The following ZCCHC7 variants were observed in gnomAD, a reference collection of about 807,000 sequenced individuals.
ZCCHC7 encodes the protein zinc finger CCHC domain-containing protein 7.
In ZCCHC7, 35 loss-of-function variants were observed where a neutral mutation model predicts 52.0. The observed-to-expected ratio is 0.67, with a 90% CI of 0.51 to 0.89. The LOEUF (loss-of-function observed/expected upper bound fraction) is 0.89. Ranked by LOEUF, ZCCHC7 falls within the 40% of genes least tolerant of loss-of-function variation. The pLI, the probability that ZCCHC7 is intolerant of heterozygous loss-of-function variation, is 0.00. For synonymous variants in ZCCHC7, 217 were observed against 221.5 expected (o/e 0.98, Z 0.18); for missense variants, 574 against 649.1 (o/e 0.88, Z 1.26).
chr9:37,163,613 A>G (rs762478039), intron 2 of ZCCHC7, among the ~76,000 whole-genome samples: 5 of 152,140 alleles, frequency 3.3e-5, no homozygotes, highest in Non-Finnish European at 5.9e-5. Context: ...TTTATTTGCA[A>G]ACTGTCCAGT....
intron 6 of ZCCHC7, among the ~76,000 whole-genome samples, chr9:37,344,888 T>C (rs528707109): frequency 6.6e-6 from 1 of 152,326 alleles, no homozygotes; most frequent in South Asian, 2.1e-4. Context: ...AATGCATGCA[T>C]ACACTCATGC....
At chr9:37,356,319 G>A (rs977838379) in intron 8 of ZCCHC7, among the ~76,000 whole-genome samples, 4 of 152,156 alleles carry the variant, frequency 2.6e-5, no homozygotes, top group East Asian at 1.9e-4. Context: ...CCGCACTCAC[G>A]TGCACTCACA....
At chr9:37,218,072 G>A (rs115235052) in intron 2 of ZCCHC7, among the ~76,000 whole-genome samples, 94 of 152,162 alleles carry the variant, frequency 6.2e-4, no homozygotes, top group African/African-American at 2.2e-3. Flanking sequence ...ATGAAAAATC[G>A]TATGGAAAAG....
chr9:37,204,358 G>A (rs945383008), intron 2 of ZCCHC7, among the ~76,000 whole-genome samples: 1 of 152,078 alleles, frequency 6.6e-6, no homozygotes, highest in African/African-American at 2.4e-5. Flanking sequence ...TGCTTTTGGC[G>A]ATTTCATCAT....
At chr9:37,276,326 A>G (rs1463812021) in intron 2 of ZCCHC7, among the ~76,000 whole-genome samples, 3 of 152,034 alleles carry the variant, frequency 2.0e-5, no homozygotes, top group South Asian at 4.1e-4. Context: ...CACTCTCTTA[A>G]TGGTGTTTTT....
intron 2 of ZCCHC7, among the ~76,000 whole-genome samples, chr9:37,164,497 A>G (rs1821304897): frequency 6.8e-6 from 1 of 147,320 alleles, no homozygotes; most frequent in African/African-American, 2.5e-5. Context: ...AGATAGATAG[A>G]TAGACAGACA....
intron 2 of ZCCHC7, chr9:37,284,062 T>C (rs915497433): frequency 3.3e-5 from 5 of 152,136 alleles, no homozygotes; most frequent in Non-Finnish European, 7.4e-5. Flanking sequence ...ATCCCATTGA[T>C]GGGCCAAGAG....
At chr9:37,296,885 G>GTA (rs1828810602) in intron 2 of ZCCHC7, among the ~76,000 whole-genome samples, 1 of 92,786 alleles carries the variant, frequency 1.1e-5, no homozygotes, top group African/African-American at 4.4e-5. Flanking sequence ...GCTAGTTTGT[G>GTA]TGTGTGTGTG....
intron 2 of ZCCHC7, among the ~76,000 whole-genome samples, chr9:37,135,431 A>G (rs1185486157): frequency 6.6e-6 from 1 of 152,214 alleles, no homozygotes; most frequent in African/African-American, 2.4e-5. Flanking sequence ...AGGTTTTAAA[A>G]AGAAAAATGC....
Position 37,218,752 on chromosome 9 carries a change from T to A in ZCCHC7, c.611-83436T>A, listed in dbSNP as rs150153432. On this transcript the variant is annotated intron_variant, in intron 2 of 8. Transcript: ENST00000336755. ...TGAACCTGGGAGATAGAGGTTGCAG[T>A]GAGCCGAGATTGCGCCACTGCACTC... is the stretch of plus-strand genomic sequence containing the variant. 5.7e-3 allele frequency among the ~76,000 whole-genome samples: 869 copies of A among 152,246 alleles called. 4 individuals are homozygous for A. Among genetic ancestry groups the A allele is most frequent in the Middle Eastern group, 0.017 (5 of 294 alleles).
At chr9:37,170,189 C>CT (rs1564155325) in intron 2 of ZCCHC7, among the ~76,000 whole-genome samples, 1 of 152,086 alleles carries the variant, frequency 6.6e-6, no homozygotes, top group Non-Finnish European at 1.5e-5. Flanking sequence ...GAATCTTTCT[C>CT]AAATACAACC....
chr9:37,172,519 T>C (rs140817625), intron 2 of ZCCHC7, among the ~76,000 whole-genome samples: 1,633 of 152,368 alleles, frequency 0.011, 23 homozygotes, highest in Non-Finnish European at 0.019. Context: ...GCATTTCTTC[T>C]TAAAAATTTG....
chr9:37,261,349 C>A (rs1053061292), intron 2 of ZCCHC7, among the ~76,000 whole-genome samples: 1 of 152,170 alleles, frequency 6.6e-6, no homozygotes, highest in Non-Finnish European at 1.5e-5. Context: ...AACACACAGA[C>A]CCCAGATTGC....
At chr9:37,337,107 G>A (rs1588690264) in intron 6 of ZCCHC7, among the ~76,000 whole-genome samples, 1 of 152,216 alleles carries the variant, frequency 6.6e-6, no homozygotes, top group East Asian at 1.9e-4. Context: ...CCGATAAGCG[G>A]ATCTATTTCT....
chr9:37,192,026 C>T (rs1477168226), intron 2 of ZCCHC7, among the ~76,000 whole-genome samples: 1 of 152,150 alleles, frequency 6.6e-6, no homozygotes, highest in African/African-American at 2.4e-5. Flanking sequence ...ACTAATGTTG[C>T]AATGATAATT....
At chr9:37,305,458 T>C in intron 4 of ZCCHC7, 86 bp from the exon 5 acceptor site, 2 of 1,503,154 alleles carry the variant, frequency 1.3e-6, no homozygotes, top group Non-Finnish European at 1.8e-6. Flanking sequence ...TTAGAAAAGA[T>C]TTTTTTATGG....
chr9:37,354,613 A>G lies in ZCCHC7; in HGVS notation c.1084-97A>G. ...AGCCACCACATGAGGTACCAGTGAC[A>G]TGGGGCTCATTTCTAATTAACATGC... On this transcript the variant is annotated intron_variant, in intron 7 of 8. Transcript: ENST00000336755. The surrounding 1 kb of genome is among the most constrained non-coding windows in gnomAD (Gnocchi z 4.0). 2 of 823,122 alleles carry G rather than the reference A, an allele frequency of 2.4e-6. No individual in the cohort carries two copies. The highest frequency in any genetic ancestry group is 3.9e-6 in the Non-Finnish European group (2 of 509,676). 51.0% of individuals were successfully genotyped at this position (823,122 alleles called of 1,614,324 possible). A position where few individuals can be genotyped will look rare whatever the true frequency, so the allele number is the denominator to read the frequency against.
At chr9:37,303,201 G>T (rs1204828831) in intron 3 of ZCCHC7, among the ~76,000 whole-genome samples, 1 of 152,104 alleles carries the variant, frequency 6.6e-6, no homozygotes, top group African/African-American at 2.4e-5. Flanking sequence ...GAGGTGGGTG[G>T]ATCACCTGAG....
chr9:37,134,747 C>T (rs1035678289), intron 2 of ZCCHC7, among the ~76,000 whole-genome samples: 12 of 151,954 alleles, frequency 7.9e-5, no homozygotes, highest in South Asian at 4.1e-4. Context: ...TTTTTTGAGA[C>T]GGAATTTCGC....
Sources: allele counts gnomAD v4.1 joint callset (sites outside exome capture counted in the v4.1 genomes callset), GRCh38; gene constraint gnomAD v4.1.1; non-coding constraint Gnocchi (gnomAD v3.1); transcripts MANE v1.5; gene names NCBI Gene and HGNC (gene_info 2026-07-23, HGNC 2026-07-21).